Variants in SULF1 observed in about 807,000 individuals in gnomAD.
SULF1 encodes the protein sulfatase 1.
SULF1 carries 46 observed loss-of-function variants against 110.5 expected under a neutral mutation model. The observed-to-expected ratio is 0.42, with a 90% CI of 0.33 to 0.53. The LOEUF is 0.53. Among genes scored for constraint, SULF1 ranks in the 20% least tolerant of loss-of-function variants. SULF1 has a pLI of 0.12. For synonymous variants in SULF1, 371 were observed against 387.1 expected (o/e 0.96, Z 0.49); for missense variants, 941 against 1,094.2 (o/e 0.86, Z 1.98).
intron 15 of SULF1, among the ~76,000 whole-genome samples, chr8:69,626,580 T>C (rs1810058359): frequency 6.6e-6 from 1 of 151,848 alleles, no homozygotes; most frequent in South Asian, 2.1e-4. Flanking sequence ...GCCCATGGAG[T>C]GGGTGGGAGG....
chr8:69,624,643 C>G (rs1351302610), intron 15 of SULF1, among the ~76,000 whole-genome samples: 1 of 152,188 alleles, frequency 6.6e-6, no homozygotes, highest in African/African-American at 2.4e-5. Flanking sequence ...GACTCAGAAA[C>G]GAAACACAGT....
intron 3 of SULF1, 77 bp from the exon 4 acceptor site, chr8:69,563,462 A>G (rs1364292567): frequency 1.3e-5 from 2 of 154,310 alleles, no homozygotes; most frequent in South Asian, 2.0e-4. Flanking sequence ...CTGTTGCAAG[A>G]GACTACTTCA....
intron 22 of SULF1, among the ~76,000 whole-genome samples, chr8:69,655,953 A>G (rs16936216): frequency 0.048 from 7,278 of 152,182 alleles, 607 homozygotes; most frequent in African/African-American, 0.17. Context: ...TGCACCCTCT[A>G]TATTTTTGCT....
intron 22 of SULF1, among the ~76,000 whole-genome samples, chr8:69,649,037 C>G (rs1402772407): frequency 1.3e-5 from 2 of 152,130 alleles, no homozygotes; most frequent in Non-Finnish European, 2.9e-5. Flanking sequence ...CAGAACAAGC[C>G]TATCTATACC....
At chr8:69,632,546 G>A (rs16936196) in intron 19 of SULF1, among the ~76,000 whole-genome samples, 2,449 of 151,996 alleles carry the variant, frequency 0.016, 63 homozygotes, top group African/African-American at 0.056. Context: ...TTGGCACAGT[G>A]AGACTCAATA....
chr8:69,489,501 G>C (rs1418180203), upstream of SULF1, among the ~76,000 whole-genome samples: 1 of 149,208 alleles, frequency 6.7e-6, no homozygotes, highest in Admixed American at 6.6e-5. Context: ...ATAGCCAGAG[G>C]GCTAAAAAAA....
At chr8:69,466,796 C>T (rs1808877051) in exon 1 of SULF1, 1 of 152,342 alleles carries the variant, frequency 6.6e-6, no homozygotes, top group Non-Finnish European at 1.5e-5. Flanking sequence ...TGTGTGTCAT[C>T]ACATTCGAGT....
At chr8:69,593,256 T>G (rs1401765887) in intron 8 of SULF1, among the ~76,000 whole-genome samples, 1 of 152,202 alleles carries the variant, frequency 6.6e-6, no homozygotes, top group Non-Finnish European at 1.5e-5. Flanking sequence ...GAAGACAAGC[T>G]GCCGATGGTA....
At position 69,604,857 on chromosome 8, in the gene SULF1, C is replaced by T; in HGVS notation, c.1302C>T (p.His434=). Residue 434 remains histidine, a synonymous_variant, in exon 13 of 23, where the codon CAC becomes CAT. Transcript: ENST00000402687. ...ESSKNIQQSN[H]LPKYERVKEL... is the part of the protein sequence containing the mutation. ...GCAAGAATATCCAACAGTCAAATCA[C>T]TTGCCCAAATATGAACGGGTCAAAG... 1.2e-6 allele frequency: 2 copies of T among 1,614,200 alleles called. No homozygotes were observed. The highest frequency in any genetic ancestry group is 1.7e-6 in the Non-Finnish European group (2 of 1,180,036).
At chr8:69,506,718 T>C (rs1313613187) in intron 3 of SULF1, among the ~76,000 whole-genome samples, 1 of 147,732 alleles carries the variant, frequency 6.8e-6, no homozygotes, top group Non-Finnish European at 1.5e-5. Flanking sequence ...GAAAACTCTT[T>C]GCTCTTGCCA....
intron 6 of SULF1, among the ~76,000 whole-genome samples, chr8:69,584,197 C>A (rs955639298): frequency 2.0e-5 from 3 of 152,166 alleles, no homozygotes; most frequent in Non-Finnish European, 4.4e-5. Context: ...TGGAAAGACC[C>A]TCCATCCTGG....
At chr8:69,527,396 C>A (rs148324433) in intron 3 of SULF1, among the ~76,000 whole-genome samples, 51 of 151,878 alleles carry the variant, frequency 3.4e-4, no homozygotes, top group Non-Finnish European at 5.3e-4. Context: ...TGGGGGCAAG[C>A]GGAAAGACAA....
intron 1 of SULF1, among the ~76,000 whole-genome samples, chr8:69,473,565 A>T (rs969883297): frequency 1.3e-5 from 2 of 152,230 alleles, no homozygotes; most frequent in East Asian, 1.9e-4. Flanking sequence ...AGCTGGATGG[A>T]CAATCAATTC....
chr8:69,613,911 G>C (rs556859158), intron 13 of SULF1, among the ~76,000 whole-genome samples: 13 of 151,750 alleles, frequency 8.6e-5, no homozygotes, highest in African/African-American at 3.1e-4. Flanking sequence ...GTGGAATCCA[G>C]AAGAACAAAG....
chr8:69,649,200 A>C (rs1382276992), intron 22 of SULF1, among the ~76,000 whole-genome samples: 4 of 152,252 alleles, frequency 2.6e-5, no homozygotes, highest in African/African-American at 4.8e-5. Flanking sequence ...TTACATTTAC[A>C]GAAAGGTCGC....
intron 8 of SULF1, among the ~76,000 whole-genome samples, chr8:69,590,434 G>A (rs1469637272): frequency 7.2e-5 from 11 of 152,036 alleles, no homozygotes; most frequent in Admixed American, 7.2e-4. Context: ...CAAAGTGCTG[G>A]GATTACAGGC....
At position 69,628,191 on chromosome 8, in the gene SULF1, G is replaced by C. The variant is rs1479279378; in HGVS notation, c.2063G>C (p.Gly688Ala). 1 of 1,613,796 alleles carries C rather than the reference G, an allele frequency of 6.2e-7. No homozygotes were observed. The highest frequency in any genetic ancestry group is 8.5e-7 in the Non-Finnish European group (1 of 1,179,710). ...SKQSYYNKEK[G>A]VKKQEKLKSH... The stretch of plus-strand genomic sequence containing the variant: ...TGCAGCTATTACAATAAAGAGAAAG[G>C]TGTAAAAAAGCAAGAGAAATTAAAG... Residue 688 changes from glycine (G) to alanine (A), a missense_variant, in exon 18 of 23, where the codon GGT becomes GCT. Gly to Ala is a moderately conservative substitution (Grantham distance 60, BLOSUM62 0). This residue lies in a region of SULF1 where 822 missense variants were observed against 934.3 expected (regional missense o/e 0.88). Transcript: ENST00000402687.
In SULF1 at chr8:69,603,454, C is replaced by T. The variant is rs1290612712; in HGVS notation, c.1190+134C>T. The T allele has an allele frequency of 1.7e-5, 25 of 1,465,390 alleles. No individual in the cohort carries two copies. The East Asian group carries it at 5.2e-4, about 31-fold the overall frequency. The allele number at this position is 1,465,390 out of a possible 1,614,324, so 90.8% of individuals were successfully genotyped here. A position where few individuals can be genotyped will look rare whatever the true frequency, so the allele number is the denominator to read the frequency against. On this transcript the variant is annotated intron_variant, in intron 11 of 22. Coordinates refer to ENST00000402687, the MANE Select transcript of SULF1 (RefSeq NM_001128205.2). Reference sequence around the variant, plus strand: ...AAGGATCACCCCAAGCTGAGCATTTCTCAGCTGCTTGTGAATAGCATATTG... The same window carrying T: ...AAGGATCACCCCAAGCTGAGCATTTTTCAGCTGCTTGTGAATAGCATATTG...
intron 2 of SULF1, among the ~76,000 whole-genome samples, chr8:69,498,113 C>CCACACACACACA (rs71257190): frequency 4.0e-5 from 6 of 148,616 alleles, no homozygotes; most frequent in African/African-American, 1.5e-4. Context: ...CTCTCTCTCT[C>CCACACACACACA]CACACACACA....
Sources: gnomAD v4.1 joint callset for allele counts (sites outside exome capture counted in the v4.1 genomes callset) on GRCh38, gnomAD v4.1.1 for gene constraint, gnomAD v4.1.1 regional missense constraint, MANE v1.5 for transcripts, NCBI Gene and HGNC (gene_info 2026-07-23, HGNC 2026-07-21) for gene names.